FANCM: variants seen among roughly 807,000 people sequenced by gnomAD.
FANCM encodes Fanconi anemia group M protein.
A neutral mutation model predicts 199.5 loss-of-function variants in FANCM; 140 were observed. That is an observed-to-expected ratio of 0.70 (90% CI 0.61 to 0.81). The LOEUF (loss-of-function observed/expected upper bound fraction) is 0.81. FANCM is among the 30% of genes least tolerant of loss of function. The pLI is 0.00. For missense variants in FANCM, 2,410 were observed against 2,421.4 expected, an observed-to-expected ratio of 1.00 and a Z score of 0.10; for synonymous variants, 840 against 836.8, an observed-to-expected ratio of 1.00 and a Z score of -0.07.
At chr14:45,187,337 C>G (rs888835527) in intron 18 of FANCM, among the ~76,000 whole-genome samples, 1 of 151,282 alleles carries the variant, frequency 6.6e-6, no homozygotes, top group African/African-American at 2.4e-5. Flanking sequence ...ATGTGTTTCC[C>G]AGGTTTTGCT....
chr14:45,186,123 G>T (rs1299613610), intron 18 of FANCM, among the ~76,000 whole-genome samples: 2 of 152,210 alleles, frequency 1.3e-5, no homozygotes, highest in South Asian at 4.2e-4. Flanking sequence ...CCAACTCCAG[G>T]CCTCAAGCAA....
intron 3 of FANCM, among the ~76,000 whole-genome samples, chr14:45,141,168 G>T (rs1594755679): frequency 2.6e-5 from 4 of 151,660 alleles, no homozygotes; most frequent in African/African-American, 7.2e-5. Context: ...GGCACCTGTA[G>T]TCCCAGCTAC....
At chr14:45,167,404 A>G (rs1594787980) in intron 11 of FANCM, 1 of 483,832 alleles carries the variant, frequency 2.1e-6, no homozygotes, top group East Asian at 3.8e-5. Context: ...AACCCAGAGA[A>G]TGTTCTCCAT....
intron 5 of FANCM, among the ~76,000 whole-genome samples, chr14:45,152,931 G>C (rs1886929787): frequency 6.6e-6 from 1 of 152,040 alleles, no homozygotes; most frequent in South Asian, 2.1e-4. Context: ...TTTCTGCTAG[G>C]AAATAGTAAA....
intron 14 of FANCM, among the ~76,000 whole-genome samples, chr14:45,178,925 G>A (rs962962713): frequency 9.9e-5 from 15 of 152,108 alleles, no homozygotes; most frequent in Non-Finnish European, 2.2e-4. Context: ...TGGGCCTGGC[G>A]CAATGGCTCA....
chr14:45,163,924 A>G (rs770003355), intron 9 of FANCM, among the ~76,000 whole-genome samples: 1 of 152,094 alleles, frequency 6.6e-6, no homozygotes, highest in African/African-American at 2.4e-5. Flanking sequence ...TTCCTATTCT[A>G]TACTATCCTT....
chr14:45,181,966 C>T (rs1889101670), intron 16 of FANCM, among the ~76,000 whole-genome samples: 2 of 152,140 alleles, frequency 1.3e-5, no homozygotes, highest in South Asian at 4.1e-4. Context: ...TACACTTGAG[C>T]AATTCGGCAA....
rs1266960709 is a variant in FANCM at position 45,136,149 on chromosome 14, G to A, written c.118G>A (p.Ala40Thr). The change falls in exon 1 of 23, where the codon GCG becomes ACG. Residue 40 changes from alanine (A) to threonine (T), a missense_variant. Coordinates refer to ENST00000267430, the MANE Select transcript of FANCM (RefSeq NM_020937.4). ...ERPQSPGSSK[A>T]PLPAAAEAQL... The stretch of plus-strand genomic sequence containing the variant: ...ACCTCAGAGCCCTGGCAGCTCCAAG[G>A]CGCCTTTGCCAGCAGCAGCGGAGGC... 2 of 1,614,200 alleles carry A rather than the reference G, an allele frequency of 1.2e-6. No homozygotes were observed. The highest frequency in any genetic ancestry group is 2.7e-5 in the African/African-American group (2 of 75,056).
chr14:45,157,989 G>C (rs117409135), intron 8 of FANCM, among the ~76,000 whole-genome samples: 1 of 152,128 alleles, frequency 6.6e-6, no homozygotes, highest in African/African-American at 2.4e-5. Flanking sequence ...TTCAGCCCAG[G>C]AGTTCGAGAC....
In FANCM at chr14:45,136,272, G is replaced by T. The variant is rs1885492397; in HGVS notation, c.241G>T (p.Ala81Ser). 6.2e-7 allele frequency: 1 copy of T among 1,614,136 alleles called. No homozygotes were observed. The highest frequency in any genetic ancestry group is 8.5e-7 in the Non-Finnish European group (1 of 1,180,032). ...ENGGFCTSAG[A>S]LWIYPTNCPV... ...TGGCGGGTTCTGCACCTCCGCGGGC[G>T]CCCTGTGGATTTACCCTACCAATTG... The change falls in exon 1 of 23, where the codon GCC (alanine) becomes TCC (serine). Residue 81 changes from alanine (A) to serine (S), a missense_variant. Transcript: ENST00000267430.
chr14:45,177,651 C>T (rs1355652310), intron 14 of FANCM, among the ~76,000 whole-genome samples: 1 of 152,138 alleles, frequency 6.6e-6, no homozygotes, highest in Non-Finnish European at 1.5e-5. Flanking sequence ...CTCACCCTCC[C>T]AAAGTGCTGG....
In FANCM at chr14:45,176,108, TG is replaced by T; in HGVS notation, c.3355del (p.Asp1119IlefsTer29). 1 of 1,614,088 alleles carries T rather than the reference TG, an allele frequency of 6.2e-7. No individual in the cohort carries two copies. The highest frequency in any genetic ancestry group is 8.5e-7 in the Non-Finnish European group (1 of 1,179,964). ...NLVGENNHDV[D>X]NSDLPVLSTD... is the part of the protein sequence containing the mutation. ...TAGTTGGAGAGAACAATCATGATGT[TG>T]ATAACAGTGACCTCCCAGTATTGTC... On this transcript the variant is annotated frameshift_variant, in exon 14 of 23. Transcript: ENST00000267430. LOFTEE classifies it high-confidence loss of function.
chr14:45,168,611 A>C (rs1388568310), intron 11 of FANCM, among the ~76,000 whole-genome samples: 2 of 150,320 alleles, frequency 1.3e-5, no homozygotes, highest in Non-Finnish European at 3.0e-5. Flanking sequence ...TCAAGTGTCA[A>C]AGATTTATCT....
At chr14:45,193,903 A>G (rs1326160397) in intron 20 of FANCM, among the ~76,000 whole-genome samples, 2 of 152,062 alleles carry the variant, frequency 1.3e-5, no homozygotes, top group Admixed American at 6.6e-5. Flanking sequence ...TTTGGGTAGT[A>G]TTGTCATCTT....
chr14:45,174,350 G>A (rs1014421225), intron 13 of FANCM, among the ~76,000 whole-genome samples: 3 of 150,984 alleles, frequency 2.0e-5, no homozygotes, highest in Non-Finnish European at 2.9e-5. Context: ...TCAAGTCACC[G>A]TACTCCAGCC....
intron 9 of FANCM, among the ~76,000 whole-genome samples, chr14:45,159,996 T>G: frequency 6.9e-6 from 1 of 145,250 alleles, no homozygotes; most frequent in South Asian, 2.2e-4. Context: ...ATGAGGTTTT[T>G]TTTTTGTTTT....
intron 2 of FANCM, 53 bp downstream of exon 2, chr14:45,137,294 A>G: frequency 2.7e-6 from 4 of 1,491,396 alleles, no homozygotes; most frequent in Non-Finnish European, 3.7e-6. Flanking sequence ...GTTAAAGAGA[A>G]TTTTGGCGAA....
chr14:45,187,970 T>C (rs976992567), intron 19 of FANCM, 83 bp downstream of exon 19: 14 of 763,108 alleles, frequency 1.8e-5, no homozygotes, highest in Non-Finnish European at 2.8e-5. Context: ...CCATTTTGTT[T>C]CTAAAACTGG....
intron 10 of FANCM, among the ~76,000 whole-genome samples, chr14:45,165,060 T>C (rs1051312421): frequency 3.3e-5 from 5 of 152,216 alleles, no homozygotes; most frequent in African/African-American, 9.6e-5. Context: ...TGATGCCTAT[T>C]TTAAGTGATA....
Sources: gnomAD v4.1 joint callset for allele counts (sites outside exome capture counted in the v4.1 genomes callset) on GRCh38, gnomAD v4.1.1 for gene constraint, MANE v1.5 for transcripts, NCBI Gene and HGNC (gene_info 2026-07-23, HGNC 2026-07-21) for gene names.